ARHGAP40: variants seen among roughly 807,000 people sequenced by gnomAD.
The protein encoded by ARHGAP40 is Rho GTPase activating protein 40.
ARHGAP40 carries 43 observed loss-of-function variants against 73.5 expected under a neutral mutation model. The ratio of observed to expected loss-of-function variants is 0.58; its 90% CI spans 0.46 to 0.75. The LOEUF (loss-of-function observed/expected upper bound fraction) is 0.75. ARHGAP40 is among the 30% of genes least tolerant of loss of function. The pLI is 0.00. For missense variants in ARHGAP40, 734 were observed against 861.8 expected (o/e 0.85, Z 1.86); for synonymous variants, 300 against 352.8 (o/e 0.85, Z 1.68).
chr20:38,634,658 G>A, exon 6 of ARHGAP40: 1 of 1,305,430 alleles, frequency 7.7e-7, no homozygotes, highest in Non-Finnish European at 1.0e-6. Flanking sequence ...GCGTGACGAG[G>A]ATAGGAGACT....
At position 38,601,851 on chromosome 20, in the gene ARHGAP40, G is replaced by A. The variant is rs548394522; in HGVS notation, c.-92G>A. The A allele has an allele frequency of 8.8e-5, 111 of 1,258,732 alleles. 2 individuals are homozygous for A. In the South Asian group the frequency reaches 1.3e-3, roughly 15 times the overall value. The allele number at this position is 1,258,732 out of a possible 1,614,324, so 78.0% of individuals were successfully genotyped here. A position where few individuals can be genotyped will look rare whatever the true frequency, so the allele number is the denominator to read the frequency against. On this transcript the variant is annotated 5_prime_UTR_variant, in exon 1 of 15. Coordinates refer to ENST00000373345, the Ensembl canonical transcript of ARHGAP40. The stretch of plus-strand genomic sequence containing the variant: ...TCTGGGAACTGGGTGCGCCACGGGG[G>A]CCCTACCTCACTCCTCCCTCTCACA...
At chr20:38,634,673 C>A in exon 6 of ARHGAP40, 1 of 1,305,374 alleles carries the variant, frequency 7.7e-7, no homozygotes, top group Non-Finnish European at 1.0e-6. Context: ...GAGACTTGTC[C>A]CTGCAGGATA....
At chr20:38,618,217 A>C (rs1361044892) in intron 1 of ARHGAP40, among the ~76,000 whole-genome samples, 1 of 151,616 alleles carries the variant, frequency 6.6e-6, no homozygotes, top group Non-Finnish European at 1.5e-5. Context: ...CTCCTGCCTC[A>C]GCCTCCTGAG....
chr20:38,646,781 G>A lies in ARHGAP40; in HGVS notation c.1711-176G>A, dbSNP rs2089056299. On this transcript the variant is annotated intron_variant, in intron 12 of 14. Transcript: ENST00000373345. The surrounding 1 kb of genome is among the most constrained non-coding windows in gnomAD (Gnocchi z 4.5). The stretch of plus-strand genomic sequence containing the variant: ...GGCATAGAAACACAAACACACATCT[G>A]GAATGTGTATGTCTGTGATCTGTGC... 6.6e-6 allele frequency among the ~76,000 whole-genome samples: 1 copy of A among 152,286 alleles called. No individual in the cohort carries two copies. The highest frequency in any genetic ancestry group is 2.4e-5 in the African/African-American group (1 of 41,548).
At chr20:38,619,883 G>A (rs1044828942) in intron 1 of ARHGAP40, among the ~76,000 whole-genome samples, 12 of 151,882 alleles carry the variant, frequency 7.9e-5, no homozygotes, top group Non-Finnish European at 1.5e-4. Context: ...AGGGCAGCCT[G>A]AGCAGCATAG....
intron 1 of ARHGAP40, among the ~76,000 whole-genome samples, chr20:38,603,753 T>C (rs2088754681): frequency 6.6e-6 from 1 of 152,216 alleles, no homozygotes; most frequent in South Asian, 2.1e-4. Flanking sequence ...CTGGGGGCTC[T>C]AGCAATCTGT....
intron 10 of ARHGAP40, among the ~76,000 whole-genome samples, chr20:38,643,155 A>C (rs1568611863): frequency 1.3e-5 from 2 of 151,856 alleles, no homozygotes; most frequent in Non-Finnish European, 2.9e-5. Context: ...CAAAAAAAAA[A>C]AAACAAAAAA....
chr20:38,621,174 C>G (rs1299215161), intron 1 of ARHGAP40, among the ~76,000 whole-genome samples: 1 of 152,148 alleles, frequency 6.6e-6, no homozygotes, highest in Non-Finnish European at 1.5e-5. Context: ...TGGGATCCCA[C>G]AAGATGGGGG....
intron 2 of ARHGAP40, among the ~76,000 whole-genome samples, chr20:38,625,711 G>A (rs1475206240): frequency 6.6e-6 from 1 of 152,176 alleles, no homozygotes; most frequent in Non-Finnish European, 1.5e-5. Context: ...GAGCCACCAT[G>A]CCTGGTCATC....
chr20:38,638,920 C>A, intron 8 of ARHGAP40, 82 bp downstream of exon 8: 1 of 1,178,506 alleles, frequency 8.5e-7, no homozygotes, highest in South Asian at 1.3e-5. Flanking sequence ...GGAAACCAGT[C>A]CCTGACTCGC....
intron 1 of ARHGAP40, among the ~76,000 whole-genome samples, chr20:38,607,606 G>A (rs1006902074): frequency 2.6e-5 from 4 of 152,180 alleles, no homozygotes; most frequent in Non-Finnish European, 5.9e-5. Context: ...TTAGGCTGCC[G>A]CCCTTCACAA....
intron 2 of ARHGAP40, among the ~76,000 whole-genome samples, chr20:38,624,573 C>G (rs569821041): frequency 7.9e-4 from 120 of 152,312 alleles, no homozygotes; most frequent in African/African-American, 2.5e-3. Flanking sequence ...CCCTGACTGG[C>G]TGTCACTCTA....
chr20:38,640,103 C>CTT (rs1568611103), intron 9 of ARHGAP40, among the ~76,000 whole-genome samples: 13 of 140,686 alleles, frequency 9.2e-5, no homozygotes, highest in African/African-American at 3.8e-4. Flanking sequence ...TCTTCTTCTT[C>CTT]CTCCTCTTCT....
intron 1 of ARHGAP40, among the ~76,000 whole-genome samples, chr20:38,607,791 T>G (rs1326116991): frequency 6.6e-6 from 1 of 152,238 alleles, no homozygotes; most frequent in African/African-American, 2.4e-5. Context: ...TTTGCCAATC[T>G]GATAGAGTTC....
chr20:38,612,558 C>G (rs2088810073), intron 1 of ARHGAP40, among the ~76,000 whole-genome samples: 1 of 152,030 alleles, frequency 6.6e-6, no homozygotes, highest in Admixed American at 6.6e-5. Context: ...CCTGTAATTC[C>G]AGCCGGGAGG....
intron 10 of ARHGAP40, among the ~76,000 whole-genome samples, chr20:38,642,637 C>T (rs1437810146): frequency 6.6e-6 from 1 of 151,658 alleles, no homozygotes; most frequent in Non-Finnish European, 1.5e-5. Context: ...TCCCTCCCAC[C>T]TCCCTTCCAT....
At chr20:38,650,160 G>A (rs956151445) in exon 15 of ARHGAP40, 2 of 366,464 alleles carry the variant, frequency 5.5e-6, no homozygotes, top group Non-Finnish European at 1.1e-5. Flanking sequence ...TGCACACAAT[G>A]CCCTCACTCC....
At chr20:38,606,084 C>T (rs553860994) in intron 1 of ARHGAP40, among the ~76,000 whole-genome samples, 122 of 152,222 alleles carry the variant, frequency 8.0e-4, no homozygotes, top group African/African-American at 2.8e-3. Flanking sequence ...TTGTCTCAAA[C>T]TCCTGGACTC....
chr20:38,629,195 G>A (rs2145605494), intron 4 of ARHGAP40, among the ~76,000 whole-genome samples, 193 bp downstream of exon 4: 1 of 152,318 alleles, frequency 6.6e-6, no homozygotes. Flanking sequence ...GTTGCCATCA[G>A]GCCCATGGGG....
Sources: allele counts gnomAD v4.1 joint callset (sites outside exome capture counted in the v4.1 genomes callset), GRCh38; gene constraint gnomAD v4.1.1; non-coding constraint Gnocchi (gnomAD v3.1); transcripts MANE v1.5; gene names NCBI Gene and HGNC (gene_info 2026-07-23, HGNC 2026-07-21).